LRRC49: variants seen among roughly 807,000 people sequenced by gnomAD.
The protein encoded by LRRC49 is leucine rich repeat containing 49, also known as leucine-rich repeat-containing protein 49.
A neutral mutation model predicts 83.3 loss-of-function variants in LRRC49; 50 were observed. The observed-to-expected ratio is 0.60, with a 90% CI of 0.48 to 0.76. The LOEUF is 0.76. LRRC49 is among the 30% of genes least tolerant of loss of function. The probability of loss-of-function intolerance (pLI) is 0.00; values close to 1 mark genes in which losing one functional copy is unlikely to be tolerated. For synonymous variants in LRRC49, 286 were observed against 283.3 expected (o/e 1.01, Z -0.10); for missense variants, 704 against 809.1 (o/e 0.87, Z 1.58).
At chr15:70,935,892 T>C (rs1487428952) in intron 7 of LRRC49, among the ~76,000 whole-genome samples, 4 of 152,158 alleles carry the variant, frequency 2.6e-5, no homozygotes, top group Non-Finnish European at 5.9e-5. Flanking sequence ...GTAACCTCGA[T>C]TGGTCACTTT....
At chr15:71,027,643 G>A (rs1349477954) in intron 14 of LRRC49, among the ~76,000 whole-genome samples, 1 of 151,502 alleles carries the variant, frequency 6.6e-6, no homozygotes, top group Non-Finnish European at 1.5e-5. Flanking sequence ...AGTTCTCCTT[G>A]AAGAGGTCCT....
chr15:71,001,304 G>A (rs1047749008), intron 11 of LRRC49, among the ~76,000 whole-genome samples: 8 of 152,106 alleles, frequency 5.3e-5, no homozygotes, highest in African/African-American at 1.9e-4. Context: ...ATGCCACTCT[G>A]TGAGACTTTT....
intron 10 of LRRC49, 131 bp from the exon 11 acceptor site, chr15:70,983,963 G>A: frequency 3.1e-6 from 2 of 645,550 alleles, no homozygotes; most frequent in Non-Finnish European, 5.5e-6. Flanking sequence ...GAATGTATTG[G>A]GTATCTACTT....
At chr15:70,996,316 T>C (rs1371093020) in intron 11 of LRRC49, among the ~76,000 whole-genome samples, 3 of 152,182 alleles carry the variant, frequency 2.0e-5, no homozygotes, top group African/African-American at 7.2e-5. Flanking sequence ...AACTGAAATT[T>C]AGAGATATTT....
intron 14 of LRRC49, among the ~76,000 whole-genome samples, chr15:71,036,452 T>C (rs931688801): frequency 6.6e-6 from 1 of 152,178 alleles, no homozygotes; most frequent in African/African-American, 2.4e-5. Context: ...TATATTCCTC[T>C]TCTGCCCTCA....
At chr15:71,002,430 T>C (rs1173036132) in intron 11 of LRRC49, among the ~76,000 whole-genome samples, 1 of 152,118 alleles carries the variant, frequency 6.6e-6, no homozygotes, top group Non-Finnish European at 1.5e-5. Context: ...CACTATTCAC[T>C]GTACTTGGGA....
intron 13 of LRRC49, among the ~76,000 whole-genome samples, chr15:71,012,425 A>G (rs189637498): frequency 3.8e-4 from 58 of 152,214 alleles, no homozygotes; most frequent in African/African-American, 1.4e-3. Context: ...CATTATTAAA[A>G]TGAATCTATC....
upstream of LRRC49, among the ~76,000 whole-genome samples, chr15:70,889,554 A>G (rs1402412980): frequency 6.6e-6 from 1 of 152,204 alleles, no homozygotes. Flanking sequence ...TATTTGCTAT[A>G]GTTCAAGTCA....
intron 9 of LRRC49, among the ~76,000 whole-genome samples, chr15:70,969,072 AATGGT>A (rs1382682535): frequency 6.6e-6 from 1 of 152,076 alleles, no homozygotes; most frequent in Non-Finnish European, 1.5e-5. Flanking sequence ...CTATGTCCTG[AATGGT>A]ATTGCCTAGG....
chr15:70,928,855 G>T (rs532304075), intron 7 of LRRC49, among the ~76,000 whole-genome samples: 2 of 152,126 alleles, frequency 1.3e-5, no homozygotes, highest in African/African-American at 4.8e-5. Flanking sequence ...ATGAGCCCCC[G>T]TGCCTGGCAC....
chr15:70,945,519 CTGTGTGTGTGTGTGTGTG>C (rs749607668), intron 8 of LRRC49, among the ~76,000 whole-genome samples: 22 of 135,880 alleles, frequency 1.6e-4, no homozygotes, highest in South Asian at 1.3e-3. Context: ...ATTTAACAAC[CTGTGTGTGTGTGTGTGTG>C]TGTGTGTGTG....
At chr15:70,896,944 A>G (rs1489883456) in intron 3 of LRRC49, among the ~76,000 whole-genome samples, 1 of 152,166 alleles carries the variant, frequency 6.6e-6, no homozygotes, top group Non-Finnish European at 1.5e-5. Flanking sequence ...TGTGGAAAAC[A>G]TCTGTCTTTG....
chr15:70,953,068 G>T (rs539511860), intron 8 of LRRC49, among the ~76,000 whole-genome samples: 1 of 152,090 alleles, frequency 6.6e-6, no homozygotes, highest in Admixed American at 6.6e-5. Context: ...CAGTTGGTTT[G>T]TGCTTCTTTA....
At chr15:70,863,380 A>G (rs1201837598) in intron 1 of LRRC49, among the ~76,000 whole-genome samples, 1 of 152,238 alleles carries the variant, frequency 6.6e-6, no homozygotes, top group Admixed American at 6.5e-5. Context: ...CATCTCCTAC[A>G]TGCCAGGCCC....
chr15:70,992,776 G>A lies in LRRC49; in HGVS notation c.1169+8519G>A, dbSNP rs200407262. The stretch of plus-strand genomic sequence containing the variant: ...CTCAGAGGGGTACCTGGCTGTGTGA[G>A]GTGTCAGTCTGCCCCTACTCGGGGG... On this transcript the variant is annotated intron_variant, in intron 11 of 15. Transcript: ENST00000260382. 3.2e-4 allele frequency among the ~76,000 whole-genome samples: 48 copies of A among 152,306 alleles called. 1 individual carries two copies. The East Asian group carries it at 5.4e-3, about 17-fold the overall frequency.
At chr15:70,903,065 C>CT (rs2034150138) in intron 4 of LRRC49, among the ~76,000 whole-genome samples, 1 of 151,896 alleles carries the variant, frequency 6.6e-6, no homozygotes, top group Non-Finnish European at 1.5e-5. Flanking sequence ...ATTTTCCTGT[C>CT]TTAGTGATGA....
chr15:70,879,310 T>C (rs551102560), intron 2 of LRRC49, among the ~76,000 whole-genome samples: 1 of 152,374 alleles, frequency 6.6e-6, no homozygotes, highest in Non-Finnish European at 1.5e-5. Context: ...AGTTCTTGTC[T>C]GCCAGTTCCA....
chr15:70,916,422 A>G (rs1004456325), intron 6 of LRRC49, among the ~76,000 whole-genome samples: 3 of 151,932 alleles, frequency 2.0e-5, no homozygotes, highest in Non-Finnish European at 4.4e-5. Flanking sequence ...AGCCTCCTGA[A>G]TAGCTGGGAT....
In LRRC49 at chr15:70,986,585, G is replaced by A. The variant is rs545917365; in HGVS notation, c.1169+2328G>A. Among the ~76,000 whole-genome samples, 148 of 152,232 alleles carry A rather than the reference G, an allele frequency of 9.7e-4. 1 individual carries two copies. Among genetic ancestry groups the A allele is most frequent in the African/African-American group, 3.5e-3 (144 of 41,542 alleles). On this transcript the variant is annotated intron_variant, in intron 11 of 15. Coordinates refer to ENST00000260382, the MANE Select transcript of LRRC49 (RefSeq NM_017691.5). ...TACAATCATGTCATCTACAAACAGG[G>A]ACAATTTGACTTCCTCTTTTCCTAA...
Sources: gnomAD v4.1 joint callset for allele counts (sites outside exome capture counted in the v4.1 genomes callset) on GRCh38, gnomAD v4.1.1 for gene constraint, MANE v1.5 for transcripts, NCBI Gene and HGNC (gene_info 2026-07-23, HGNC 2026-07-21) for gene names.